PLPP4: variants seen among roughly 807,000 people sequenced by gnomAD.
PLPP4 encodes phospholipid phosphatase 4.
A neutral mutation model predicts 32.2 loss-of-function variants in PLPP4; 20 were observed. That is an observed-to-expected ratio of 0.62 (90% CI 0.44 to 0.90). The LOEUF is 0.90. Among genes scored for constraint, PLPP4 ranks in the 40% least tolerant of loss-of-function variants. The pLI is 0.00. For synonymous variants in PLPP4, 127 were observed against 133.0 expected, an observed-to-expected ratio of 0.95 and a Z score of 0.31; for missense variants, 257 against 353.1, an observed-to-expected ratio of 0.73 and a Z score of 2.18.
intron 5 of PLPP4, among the ~76,000 whole-genome samples, chr10:120,531,087 C>CTTTTTTTT (rs71019773): frequency 1.0e-5 from 1 of 100,402 alleles, no homozygotes. Context: ...CTGTCATTTT[C>CTTTTTTTT]TTTTTTTTTT....
intron 6 of PLPP4, among the ~76,000 whole-genome samples, chr10:120,583,315 G>A (rs928475503): frequency 1.3e-5 from 2 of 151,942 alleles, no homozygotes; most frequent in African/African-American, 4.8e-5. Flanking sequence ...CATGGCAAGA[G>A]GGCAGGGTTT....
chr10:120,519,288 T>G (rs954545848), intron 4 of PLPP4, among the ~76,000 whole-genome samples: 1 of 152,164 alleles, frequency 6.6e-6, no homozygotes, highest in Non-Finnish European at 1.5e-5. Flanking sequence ...GAGCCTTGGC[T>G]TATGGCACAT....
At chr10:120,472,542 G>C (rs1470370949) in intron 1 of PLPP4, among the ~76,000 whole-genome samples, 1 of 152,014 alleles carries the variant, frequency 6.6e-6, no homozygotes. Flanking sequence ...TCAGCAATTT[G>C]ATTGTGATGT....
At chr10:120,581,943 T>C (rs140901727) in intron 6 of PLPP4, among the ~76,000 whole-genome samples, 6 of 152,358 alleles carry the variant, frequency 3.9e-5, no homozygotes, top group African/African-American at 1.2e-4. Flanking sequence ...TTAGGCTGTA[T>C]GTGGCCATGA....
intron 5 of PLPP4, among the ~76,000 whole-genome samples, chr10:120,543,561 G>A (rs1374331495): frequency 6.6e-6 from 1 of 152,232 alleles, no homozygotes; most frequent in East Asian, 1.9e-4. Flanking sequence ...TTGTCCATGA[G>A]GGACAGAGGA....
chr10:120,562,080 A>G (rs79976698), intron 5 of PLPP4, among the ~76,000 whole-genome samples: 103 of 152,246 alleles, frequency 6.8e-4, no homozygotes, highest in African/African-American at 2.4e-3. Flanking sequence ...AGCATATGGT[A>G]TATTTGTCTA....
In PLPP4 at chr10:120,477,242, C is replaced by CAAAAAA. The variant is rs140983897; in HGVS notation, c.56+19886_56+19887insAAAAAA. On this transcript the variant is annotated intron_variant, in intron 1 of 6. Transcript: ENST00000398250. ...TGCTTTGAATTAATCCAGAACGGTT[C>CAAAAAA]AAAAAGAAAAGAAAAAAAACCTTCT... Among the ~76,000 whole-genome samples the CAAAAAA allele has an allele frequency of 2.1e-5, 3 of 140,628 alleles. 1 individual carries two copies. The highest frequency in any genetic ancestry group is 3.1e-5 in the Non-Finnish European group (2 of 64,702). 92.3% of individuals were successfully genotyped at this position (140,628 alleles called of 152,430 possible).
At chr10:120,528,176 G>C (rs1441460208) in intron 5 of PLPP4, among the ~76,000 whole-genome samples, 1 of 140,842 alleles carries the variant, frequency 7.1e-6, no homozygotes, top group African/African-American at 2.6e-5. Flanking sequence ...CCGGGTTCAC[G>C]CCATTCTCCT....
At chr10:120,552,100 A>C (rs1190438528) in intron 5 of PLPP4, among the ~76,000 whole-genome samples, 1 of 151,750 alleles carries the variant, frequency 6.6e-6, no homozygotes, top group Non-Finnish European at 1.5e-5. Flanking sequence ...GCTTCCTTAT[A>C]AAATGCTCAA....
intron 1 of PLPP4, among the ~76,000 whole-genome samples, chr10:120,464,074 G>A (rs532833347): frequency 2.0e-4 from 31 of 152,242 alleles, no homozygotes; most frequent in Middle Eastern, 3.4e-3. Context: ...CAGAGTGCTG[G>A]GATTATAGGT....
At chr10:120,553,443 A>G (rs1420806327) in intron 5 of PLPP4, among the ~76,000 whole-genome samples, 1 of 152,196 alleles carries the variant, frequency 6.6e-6, no homozygotes, top group Non-Finnish European at 1.5e-5. Flanking sequence ...TTGAACCAGG[A>G]AACAGGCTTC....
rs528477315 is a variant in PLPP4, at chr10:120,579,415, G to A, written c.616+4114G>A. On this transcript the variant is annotated intron_variant, in intron 6 of 6. Coordinates refer to ENST00000398250, the MANE Select transcript of PLPP4 (RefSeq NM_001030059.3). ...TGTCTAACCGGGCTGAAGTTTTCAA[G>A]ATGGCCATTATTGCGTTCGCCTGCT... Among the ~76,000 whole-genome samples the A allele has an allele frequency of 6.6e-5, 10 of 152,292 alleles. No individual in the cohort carries two copies. The South Asian group carries it at 2.1e-3, about 32-fold the overall frequency.
intron 5 of PLPP4, 85 bp from the exon 6 acceptor site, chr10:120,575,046 A>C: frequency 6.9e-7 from 1 of 1,448,764 alleles, no homozygotes. Flanking sequence ...GGGGTGTGCA[A>C]GACGGCAGAC....
chr10:120,552,714 A>G (rs921814517), intron 5 of PLPP4, among the ~76,000 whole-genome samples: 4 of 152,156 alleles, frequency 2.6e-5, no homozygotes, highest in Non-Finnish European at 2.9e-5. Context: ...TACTGAATCT[A>G]TGACCTACTT....
chr10:120,552,163 GGGGT>G (rs1170342898), intron 5 of PLPP4, among the ~76,000 whole-genome samples: 9 of 81,624 alleles, frequency 1.1e-4, no homozygotes, highest in Admixed American at 6.2e-4. Context: ...TAGTGGTGGT[GGGGT>G]GTGTGTGTGT....
intron 3 of PLPP4, among the ~76,000 whole-genome samples, chr10:120,514,212 C>A (rs1389103973): frequency 6.6e-6 from 1 of 152,228 alleles, no homozygotes; most frequent in Non-Finnish European, 1.5e-5. Context: ...CCCACTGTCG[C>A]TGTCCGTTGT....
At position 120,586,135 on chromosome 10, in the gene PLPP4, C is replaced by CT. The variant is rs11364962; in HGVS notation, c.617-3154dup. On this transcript the variant is annotated intron_variant, in intron 6 of 6. Transcript: ENST00000398250. ...TTTTCTCTTTTCTTTTTCTTTTTTT[C>CT]TTTTTTTTTTTTTTAAAGAGATGGA... Among the ~76,000 whole-genome samples, 64 of 141,842 alleles carry CT rather than the reference C, an allele frequency of 4.5e-4. 1 individual carries two copies. The highest frequency in any genetic ancestry group is 3.9e-3 in the East Asian group (19 of 4,878). 93.1% of individuals were successfully genotyped at this position (141,842 alleles called of 152,430 possible).
chr10:120,560,334 AAAAAAAAAAAG>A (rs1848369922), intron 5 of PLPP4, among the ~76,000 whole-genome samples: 4 of 146,828 alleles, frequency 2.7e-5, no homozygotes. Context: ...CATTGCAAAA[AAAAAAAAAAAG>A]AAAGAAAAAA....
chr10:120,562,963 G>C (rs1485936416), intron 5 of PLPP4, among the ~76,000 whole-genome samples: 1 of 152,160 alleles, frequency 6.6e-6, no homozygotes, highest in Non-Finnish European at 1.5e-5. Flanking sequence ...TTTCAGGCTG[G>C]GCATGGTGAC....
Sources: gnomAD v4.1 joint callset for allele counts (sites outside exome capture counted in the v4.1 genomes callset) on GRCh38, gnomAD v4.1.1 for gene constraint, MANE v1.5 for transcripts, NCBI Gene and HGNC (gene_info 2026-07-23, HGNC 2026-07-21) for gene names.